The following ANAPC2 variants were observed in gnomAD, a reference collection of about 807,000 sequenced individuals.
The protein encoded by ANAPC2 is anaphase-promoting complex subunit 2.
In ANAPC2, 29 loss-of-function variants were observed where a neutral mutation model predicts 84.3. That is an observed-to-expected ratio of 0.34 (90% CI 0.26 to 0.47). ANAPC2 has a LOEUF of 0.47. Ranked by LOEUF, ANAPC2 falls within the 20% of genes least tolerant of loss-of-function variation. The probability of loss-of-function intolerance (pLI) is 1.00; values close to 1 mark genes in which losing one functional copy is unlikely to be tolerated. For synonymous variants in ANAPC2, 571 were observed against 479.4 expected (o/e 1.19, Z -2.50); for missense variants, 857 against 1,131.7 (o/e 0.76, Z 3.48).
At chr9:137,183,914 C>G in intron 4 of ANAPC2, 123 bp from the exon 5 acceptor site, 1 of 1,323,464 alleles carries the variant, frequency 7.6e-7, no homozygotes, top group Non-Finnish European at 1.0e-6. Flanking sequence ...ATGATGAGAC[C>G]ACCTGCTAGG....
chr9:137,185,360 T>C (rs1195954214), intron 3 of ANAPC2, among the ~76,000 whole-genome samples: 2 of 152,338 alleles, frequency 1.3e-5, no homozygotes, highest in East Asian at 1.9e-4. Flanking sequence ...GCGTGAGACA[T>C]GACAGACACA....
rs1291251076 is a variant in ANAPC2, at chr9:137,181,767, G to T, written c.1382C>A (p.Pro461Gln). ...GTCCTGGCCTGTCTCCAGGCTCGCC[G>T]GGTCGGTCTTGGACAGCTCAACAGC... ...DLAVELSKTD[P>Q]ASLETGQDSE... is the part of the protein sequence containing the mutation. The change falls in exon 7 of 13, where the codon CCG becomes CAG. Residue 461 changes from proline to glutamine, a missense_variant. By Grantham distance (76) the Pro-to-Gln change is moderately conservative. This residue lies in a region of ANAPC2 where 425 missense variants were observed against 595.5 expected (regional missense o/e 0.71). Coordinates refer to ENST00000323927, the MANE Select transcript of ANAPC2 (RefSeq NM_013366.4). 6.2e-7 allele frequency: 1 copy of T among 1,611,162 alleles called. No homozygotes were observed. Among genetic ancestry groups the T allele is most frequent in the East Asian group, 2.2e-5 (1 of 44,854 alleles).
In ANAPC2 at chr9:137,178,306, G is replaced by A. The variant is rs550946191; in HGVS notation, c.1890+1875C>T. Among the ~76,000 whole-genome samples the A allele has an allele frequency of 4.1e-3, 622 of 152,352 alleles. 5 individuals carry two copies. The highest frequency in any genetic ancestry group is 5.5e-3 in the Admixed American group (84 of 15,310). The stretch of plus-strand genomic sequence containing the variant: ...GGCCAGCCACGTGTCCAACAAGGTC[G>A]CTCGGCCAGGAGCTCTGCTGGTGGG... On this transcript the variant is annotated intron_variant, in intron 10 of 12. Transcript: ENST00000323927.
Position 137,187,600 on chromosome 9 carries a change from A to G in ANAPC2, c.621T>C (p.Tyr207=). 1 of 1,614,010 alleles carries G rather than the reference A, an allele frequency of 6.2e-7. No individual in the cohort carries two copies. The highest frequency in any genetic ancestry group is 8.5e-7 in the Non-Finnish European group (1 of 1,180,040). ...PELEGELDSR[Y]ARRRYYRLLQ... ...GGAGCCGGTAGTACCGGCGACGGGC[A>G]TACCGGCTGTCCAGCTCCCCTTCCA... The change falls in exon 2 of 13, where the codon TAT becomes TAC. Residue 207 remains tyrosine (Y), a synonymous_variant. Coordinates refer to ENST00000323927, the MANE Select transcript of ANAPC2 (RefSeq NM_013366.4).
At chr9:137,177,364 C>T (rs114167672) in intron 10 of ANAPC2, among the ~76,000 whole-genome samples, 166 of 150,162 alleles carry the variant, frequency 1.1e-3, no homozygotes, top group African/African-American at 4.1e-3. Flanking sequence ...GTATGCTTGT[C>T]TTACGGCTGA....
At position 137,183,661 on chromosome 9, in the gene ANAPC2, G is replaced by A. The variant is rs1410482749; in HGVS notation, c.1168+11C>T. 4 of 1,608,592 alleles carry A rather than the reference G, an allele frequency of 2.5e-6. No individual in the cohort carries two copies. The highest frequency in any genetic ancestry group is 3.4e-6 in the Non-Finnish European group (4 of 1,177,880). On this transcript the variant is annotated intron_variant, in intron 5 of 12. Coordinates refer to ENST00000323927, the MANE Select transcript of ANAPC2 (RefSeq NM_013366.4). ...GCCCAGAGTGCTGGGTGGCCGGGCA[G>A]CACACAGCACCTGGATGCAGGAGCC...
intron 8 of ANAPC2, 71 bp from the exon 9 acceptor site, chr9:137,180,598 CG>C: frequency 1.9e-6 from 3 of 1,599,592 alleles, no homozygotes; most frequent in Admixed American, 1.7e-5. Context: ...TGGCAGGGCA[CG>C]GGGGTGCCCC....
At position 137,186,337 on chromosome 9, in the gene ANAPC2, C is replaced by G; in HGVS notation, c.760G>C (p.Glu254Gln). The G allele has an allele frequency of 6.2e-7, 1 of 1,608,028 alleles. No individual in the cohort carries two copies. The highest frequency in any genetic ancestry group is 8.5e-7 in the Non-Finnish European group (1 of 1,178,386). ...SQVLHRLSLL[E>Q]RVSAEAVTTT... ...GTCACAGCCTCGGCACTGACCCGCT[C>G]CAGCAGACTGAGCCTGTGTCTAGAG... The change falls in exon 3 of 13, where the codon GAG (glutamate) becomes CAG (glutamine). Residue 254 changes from glutamate (E) to glutamine (Q), a missense_variant. By Grantham distance (29) the Glu-to-Gln change is conservative. Coordinates refer to ENST00000323927, the MANE Select transcript of ANAPC2 (RefSeq NM_013366.4).
chr9:137,183,851 G>C (rs1834394941), intron 4 of ANAPC2, 60 bp from the exon 5 acceptor site: 1 of 1,590,930 alleles, frequency 6.3e-7, no homozygotes, highest in Non-Finnish European at 8.6e-7. Context: ...GTGCAGGCTG[G>C]TGCAGAGTGT....
At position 137,183,409 on chromosome 9, in the gene ANAPC2, G is replaced by C. The variant is rs116719367; in HGVS notation, c.1169-167C>G. On this transcript the variant is annotated intron_variant, in intron 5 of 12. Coordinates refer to ENST00000323927, the MANE Select transcript of ANAPC2 (RefSeq NM_013366.4). ...CCACCTCTACCTGTTCACAGGTCCC[G>C]CCCTGCAGGGAGGTCTGTTCTGAGA... 695 of 758,684 alleles carry C rather than the reference G, an allele frequency of 9.2e-4. 3 individuals are homozygous for C. In the African/African-American group the frequency reaches 9.5e-3, roughly 10 times the overall value. The allele number at this position is 758,684 out of a possible 1,614,324, so 47.0% of individuals were successfully genotyped here. A position where few individuals can be genotyped will look rare whatever the true frequency, so the allele number is the denominator to read the frequency against.
chr9:137,183,607 T>C (rs1834387456), intron 5 of ANAPC2, 65 bp downstream of exon 5: 2 of 1,559,802 alleles, frequency 1.3e-6, no homozygotes, highest in East Asian at 2.3e-5. Flanking sequence ...CCAGGCTCCC[T>C]GGACATGGGT....
chr9:137,181,026 C>G, intron 7 of ANAPC2, 97 bp from the exon 8 acceptor site: 1 of 1,494,062 alleles, frequency 6.7e-7, no homozygotes, highest in African/African-American at 1.4e-5. Context: ...CACAGCCCAG[C>G]ATGGCTCTTC....
chr9:137,175,966 T>C, intron 10 of ANAPC2, 129 bp from the exon 11 acceptor site: 2 of 1,245,906 alleles, frequency 1.6e-6, no homozygotes, highest in Non-Finnish European at 2.2e-6. Flanking sequence ...GGCAGGCAGG[T>C]GAGCAGCGAG....
At chr9:137,180,666 G>A in intron 8 of ANAPC2, 122 bp downstream of exon 8, 1 of 1,555,996 alleles carries the variant, frequency 6.4e-7, no homozygotes, top group South Asian at 1.2e-5. Flanking sequence ...CCCCCAGCCA[G>A]GAGTGGGGGC....
intron 10 of ANAPC2, chr9:137,177,144 A>T (rs1272384585): frequency 3.3e-5 from 5 of 152,268 alleles, no homozygotes; most frequent in Admixed American, 6.5e-5. Flanking sequence ...GCATAAGCCA[A>T]CAAGGTGTGA....
chr9:137,175,533 C>T (rs1834189780), intron 11 of ANAPC2, 61 bp from the exon 12 acceptor site: 5 of 1,494,224 alleles, frequency 3.3e-6, no homozygotes, highest in Non-Finnish European at 3.6e-6. Flanking sequence ...TCCCCTGCCT[C>T]CCGTCAGCCG....
At chr9:137,185,744 C>A (rs1360358588) in intron 3 of ANAPC2, among the ~76,000 whole-genome samples, 2 of 152,172 alleles carry the variant, frequency 1.3e-5, no homozygotes, top group African/African-American at 4.8e-5. Flanking sequence ...GCTCCGGGAG[C>A]CCAGAGCAGA....
At chr9:137,186,539 A>G in intron 2 of ANAPC2, 183 bp from the exon 3 acceptor site, 1 of 834,756 alleles carries the variant, frequency 1.2e-6, no homozygotes. Context: ...GGCTTCAAGA[A>G]GCCACTGGGA....
At position 137,184,970 on chromosome 9, in the gene ANAPC2, A is replaced by C. The variant is rs758784292; in HGVS notation, c.991T>G (p.Phe331Val). The C allele has an allele frequency of 6.2e-7, 1 of 1,612,376 alleles. No homozygotes were observed. The highest frequency in any genetic ancestry group is 8.5e-7 in the Non-Finnish European group (1 of 1,179,628). Residue 331 changes from phenylalanine to valine, a missense_variant, in exon 4 of 13, where the codon TTC becomes GTC. By Grantham distance (50) the Phe-to-Val change is conservative. Transcript: ENST00000323927. ...AGGCTGGCGTAGATGCGGTAGAAGA[A>C]CCTTTGCACGTGGCAGCGCCAGCGG... ...LRRWRCHVQR[F>V]FYRIYASLRI...
Sources: allele counts gnomAD v4.1 joint callset (sites outside exome capture counted in the v4.1 genomes callset), GRCh38; gene constraint gnomAD v4.1.1; regional missense constraint gnomAD v4.1.1; transcripts MANE v1.5; gene names NCBI Gene and HGNC (gene_info 2026-07-23, HGNC 2026-07-21).